Variants in NADK2 observed in about 807,000 individuals in gnomAD.
NADK2 encodes the protein NAD kinase 2, mitochondrial, also known as NAD kinase domain-containing protein 1, mitochondrial.
In NADK2, 35 loss-of-function variants were observed where a neutral mutation model predicts 62.1. That is an observed-to-expected ratio of 0.56 (90% CI 0.43 to 0.75). NADK2 has a LOEUF of 0.75. NADK2 is among the 30% of genes least tolerant of loss of function. The probability of loss-of-function intolerance (pLI) is 0.00; values close to 1 mark genes in which losing one functional copy is unlikely to be tolerated. For missense variants in NADK2, 439 were observed against 561.3 expected, an observed-to-expected ratio of 0.78 and a Z score of 2.20; for synonymous variants, 205 against 207.9, an observed-to-expected ratio of 0.99 and a Z score of 0.12.
intron 7 of NADK2, among the ~76,000 whole-genome samples, chr5:36,211,510 A>G (rs184039275): frequency 0.011 from 1,722 of 151,764 alleles, 23 homozygotes; most frequent in South Asian, 0.043. Context: ...AGCCAAGATC[A>G]CGCCACTGCA....
At chr5:36,207,093 G>T in intron 8 of NADK2, 77 bp downstream of exon 8, 1 of 1,134,154 alleles carries the variant, frequency 8.8e-7, no homozygotes, top group Non-Finnish European at 1.3e-6. Context: ...GCATATTACA[G>T]GCCTTAGATG....
At chr5:36,240,178 C>T (rs1002060158) in intron 1 of NADK2, among the ~76,000 whole-genome samples, 4 of 152,198 alleles carry the variant, frequency 2.6e-5, no homozygotes, top group African/African-American at 9.7e-5. Flanking sequence ...ACTCTAACCT[C>T]CTGTTCAAAC....
chr5:36,196,786 G>C (rs1411751816), intron 11 of NADK2, among the ~76,000 whole-genome samples: 2 of 152,048 alleles, frequency 1.3e-5, no homozygotes, highest in East Asian at 3.9e-4. Flanking sequence ...CACCCAAACT[G>C]AGTACACATC....
rs10941282 is a variant in NADK2, at chr5:36,235,824, T to C, written c.300+5675A>G. ...TGGATGAACCCTCCTTCAATGCAAA[T>C]GTTTTACAAAGATTGGTCTATTTTC... is the stretch of plus-strand genomic sequence containing the variant. On this transcript the variant is annotated intron_variant, in intron 1 of 11. Transcript: ENST00000381937. Among the ~76,000 whole-genome samples, 1,851 of 152,086 alleles carry C rather than the reference T, an allele frequency of 0.012. 156 individuals are homozygous for C. The East Asian group carries it at 0.21, about 17-fold the overall frequency.
chr5:36,196,306 T>C (rs1229924287), intron 11 of NADK2, among the ~76,000 whole-genome samples: 1 of 152,172 alleles, frequency 6.6e-6, no homozygotes, highest in Non-Finnish European at 1.5e-5. Context: ...TTGCCAACAA[T>C]TGGTACTTTA....
chr5:36,206,411 G>A (rs1275995669), intron 8 of NADK2, among the ~76,000 whole-genome samples: 1 of 151,450 alleles, frequency 6.6e-6, no homozygotes, highest in Non-Finnish European at 1.5e-5. Flanking sequence ...TGCAGGCTTG[G>A]ACCAAAGCAG....
At chr5:36,217,981 CTAGT>C (rs1157090363) in intron 5 of NADK2, 97 bp from the exon 6 acceptor site, 8 of 1,116,550 alleles carry the variant, frequency 7.2e-6, no homozygotes, top group African/African-American at 1.6e-5. Context: ...TTAATAAAAA[CTAGT>C]TACCAGTTAT....
chr5:36,205,555 GA>G lies in NADK2; in HGVS notation c.956+1614del, dbSNP rs1746604184. ...ATATGTTAAAGGGCCTCAAATGACA[GA>G]TTAAGCAATCTGAACAGAGGTCAAT... On this transcript the variant is annotated intron_variant, in intron 8 of 11. Transcript: ENST00000381937. This position sits in a 1 kb window ranked among gnomAD's most constrained non-coding sequence, Gnocchi z 4.1. Among the ~76,000 whole-genome samples, 2 of 152,108 alleles carry G rather than the reference GA, an allele frequency of 1.3e-5. No homozygotes were observed. Among genetic ancestry groups the G allele is most frequent in the Non-Finnish European group, 2.9e-5 (2 of 68,006 alleles).
chr5:36,209,771 T>C (rs908829844), intron 7 of NADK2, among the ~76,000 whole-genome samples: 1 of 152,160 alleles, frequency 6.6e-6, no homozygotes, highest in Non-Finnish European at 1.5e-5. Flanking sequence ...AAATTATGTA[T>C]TACTCTCCAA....
chr5:36,226,611 T>A, intron 2 of NADK2, 48 bp from the exon 3 acceptor site: 2 of 1,307,886 alleles, frequency 1.5e-6, no homozygotes, highest in Non-Finnish European at 2.2e-6. Context: ...TAATAATATA[T>A]ATAACAGGGG....
chr5:36,218,001 G>T lies in NADK2; in HGVS notation c.645-117C>A. On this transcript the variant is annotated intron_variant, in intron 5 of 11. Transcript: ENST00000381937. ...AAAAACTAGTTACCAGTTATTCCATGAATAAATTATATCAGAAACACCTAA... is the reference window on the plus strand; with the variant it reads ...AAAAACTAGTTACCAGTTATTCCATTAATAAATTATATCAGAAACACCTAA... 6 of 877,650 alleles carry T rather than the reference G, an allele frequency of 6.8e-6. No homozygotes were observed. In the South Asian group the frequency reaches 8.3e-5, roughly 12 times the overall value. The allele number at this position is 877,650 out of a possible 1,614,324, so 54.4% of individuals were successfully genotyped here.
rs3086394 is a variant in NADK2 at position 36,206,516 on chromosome 5, GA to G, written c.956+653del. 1.3e-3 allele frequency among the ~76,000 whole-genome samples: 186 copies of G among 145,418 alleles called. 1 individual carries two copies. The highest frequency in any genetic ancestry group is 3.9e-3 in the African/African-American group (154 of 39,704). ...TATATAGAGGGGAGAATGAAGAATG[GA>G]AAAAAAAAATGCTTTTTTTCTCTAG... On this transcript the variant is annotated intron_variant, in intron 8 of 11. Coordinates refer to ENST00000381937, the MANE Select transcript of NADK2 (RefSeq NM_001085411.3).
intron 6 of NADK2, chr5:36,212,222 T>G (rs2112111543): frequency 5.3e-6 from 1 of 189,652 alleles, no homozygotes; most frequent in Middle Eastern, 2.0e-3. Context: ...TTCTTGTTGT[T>G]ACACTTAATT....
At chr5:36,229,340 C>T (rs2112176484) in intron 1 of NADK2, among the ~76,000 whole-genome samples, 1 of 152,186 alleles carries the variant, frequency 6.6e-6, no homozygotes, top group South Asian at 2.1e-4. Context: ...AGCCAAAAGC[C>T]TCATTAAACT....
intron 8 of NADK2, among the ~76,000 whole-genome samples, chr5:36,201,546 A>G (rs1746447486): frequency 6.6e-6 from 1 of 152,070 alleles, no homozygotes; most frequent in South Asian, 2.1e-4. Context: ...TGACTGAATA[A>G]ATTATAGCTA....
chr5:36,233,699 G>C (rs1747793799), intron 1 of NADK2, among the ~76,000 whole-genome samples: 1 of 151,678 alleles, frequency 6.6e-6, no homozygotes, highest in Non-Finnish European at 1.5e-5. Context: ...AACATACAAG[G>C]CTAAATTCTT....
In NADK2 at chr5:36,212,385, A is replaced by G. The variant is rs75663322; in HGVS notation, c.782-463T>C. 0.012 allele frequency: 1,838 copies of G among 152,720 alleles called. 150 individuals carry two copies. In the East Asian group the frequency reaches 0.21, roughly 18 times the overall value. The allele number at this position is 152,720 out of a possible 1,614,324, so 9.5% of individuals were successfully genotyped here. A position where few individuals can be genotyped will look rare whatever the true frequency, so the allele number is the denominator to read the frequency against. On this transcript the variant is annotated intron_variant, in intron 6 of 11. Transcript: ENST00000381937. ...TTTTTCCAAATAAGGAAACCTCAAG[A>G]GTGTTTTTAGCAACAGCAGCATTGG... is the stretch of plus-strand genomic sequence containing the variant.
rs1040060399 is a variant in NADK2, at chr5:36,241,285, C to T, written c.300+214G>A. The stretch of plus-strand genomic sequence containing the variant: ...CATGAACCACTGTCCCTCTCTCTCC[C>T]CCTCTCCCCGGCCCTGCCTCTCCCT... On this transcript the variant is annotated intron_variant, in intron 1 of 11. Transcript: ENST00000381937. This position sits in a 1 kb window ranked among gnomAD's most constrained non-coding sequence, Gnocchi z 4.9. 10 of 961,614 alleles carry T rather than the reference C, an allele frequency of 1.0e-5. No homozygotes were observed. Among genetic ancestry groups the T allele is most frequent in the Non-Finnish European group, 1.3e-5 (9 of 718,134 alleles). 59.6% of individuals were successfully genotyped at this position (961,614 alleles called of 1,614,324 possible). A position where few individuals can be genotyped will look rare whatever the true frequency, so the allele number is the denominator to read the frequency against.
intron 10 of NADK2, among the ~76,000 whole-genome samples, chr5:36,197,876 C>T (rs1232406909): frequency 6.6e-6 from 1 of 151,748 alleles, no homozygotes; most frequent in Non-Finnish European, 1.5e-5. Context: ...CCCACAGAAA[C>T]ATACATCACC....
Sources: gnomAD v4.1 joint callset for allele counts (sites outside exome capture counted in the v4.1 genomes callset) on GRCh38, gnomAD v4.1.1 for gene constraint, Gnocchi (gnomAD v3.1) non-coding constraint, MANE v1.5 for transcripts, NCBI Gene and HGNC (gene_info 2026-07-23, HGNC 2026-07-21) for gene names.